STX3: variants seen among roughly 807,000 people sequenced by gnomAD.
STX3 encodes the protein syntaxin-3.
STX3 carries 19 observed loss-of-function variants against 40.2 expected under a neutral mutation model. That is an observed-to-expected ratio of 0.47 (90% CI 0.33 to 0.69). The LOEUF is 0.69. Ranked by LOEUF, STX3 falls within the 30% of genes least tolerant of loss-of-function variation. The pLI is 0.02. For synonymous variants in STX3, 122 were observed against 132.2 expected, an observed-to-expected ratio of 0.92 and a Z score of 0.53; for missense variants, 364 against 366.7, an observed-to-expected ratio of 0.99 and a Z score of 0.06.
intron 1 of STX3, among the ~76,000 whole-genome samples, chr11:59,771,400 A>ACCCCC (rs1565168425): frequency 1.2e-4 from 5 of 42,258 alleles, no homozygotes; most frequent in Admixed American, 2.2e-4. Flanking sequence ...CCGTCCCCCC[A>ACCCCC]CCTCCCCCCC....
chr11:59,792,999 G>C (rs1017684662), intron 6 of STX3, 100 bp from the exon 7 acceptor site: 2 of 1,191,704 alleles, frequency 1.7e-6, no homozygotes, highest in Non-Finnish European at 2.4e-6. Context: ...TAAAGGCCAC[G>C]GTCTTTATAG....
At chr11:59,791,411 C>T (rs185346452) in intron 5 of STX3, among the ~76,000 whole-genome samples, 12 of 152,134 alleles carry the variant, frequency 7.9e-5, no homozygotes, top group East Asian at 1.9e-4. Context: ...TTGCTTCAGG[C>T]GGCAGTATAT....
chr11:59,804,626 T>C lies in STX3; in HGVS notation c.*3802T>C, dbSNP rs1866011004. 6.6e-6 allele frequency: 1 copy of C among 152,242 alleles called. No individual in the cohort carries two copies. The highest frequency in any genetic ancestry group is 1.5e-5 in the Non-Finnish European group (1 of 68,050). 9.4% of individuals were successfully genotyped at this position (152,242 alleles called of 1,614,324 possible). A position where few individuals can be genotyped will look rare whatever the true frequency, so the allele number is the denominator to read the frequency against. Reference sequence around the variant, plus strand: ...CAACATGAAAATTTAAAGTGCTTTTTCTATGGGTGGTGATGGTGGAGTTCT... The same window carrying C: ...CAACATGAAAATTTAAAGTGCTTTTCCTATGGGTGGTGATGGTGGAGTTCT... On this transcript the variant is annotated 3_prime_UTR_variant, in exon 11 of 11. Coordinates refer to ENST00000337979, the MANE Select transcript of STX3 (RefSeq NM_004177.5).
intron 2 of STX3, among the ~76,000 whole-genome samples, chr11:59,780,936 A>G (rs1864327295): frequency 6.6e-6 from 1 of 152,198 alleles, no homozygotes; most frequent in Non-Finnish European, 1.5e-5. Flanking sequence ...ATTGGTCAGT[A>G]TAATTCTGAG....
Position 59,789,035 on chromosome 11 carries a change from C to G in STX3, c.289+88C>G, listed in dbSNP as rs563522240. 2.5e-4 allele frequency: 301 copies of G among 1,213,158 alleles called. 2 individuals carry two copies. In the African/African-American group the frequency reaches 4.3e-3, roughly 17 times the overall value. The allele number at this position is 1,213,158 out of a possible 1,614,324, so 75.1% of individuals were successfully genotyped here. Reference sequence around the variant, plus strand: ...TCCAGCTTTCCGAACTGAAACTCCTCTTGATGGAAGTGACACCACTTGGTC... The same window carrying G: ...TCCAGCTTTCCGAACTGAAACTCCTGTTGATGGAAGTGACACCACTTGGTC... On this transcript the variant is annotated intron_variant, in intron 4 of 10. Transcript: ENST00000337979.
intron 2 of STX3, among the ~76,000 whole-genome samples, chr11:59,786,406 ATT>A (rs1362889318): frequency 1.7e-4 from 21 of 126,948 alleles, no homozygotes; most frequent in East Asian, 2.3e-4. Context: ...CACCAGGCTA[ATT>A]TTTTTTTTTT....
At chr11:59,799,746 CA>C in intron 10 of STX3, 2 of 985,348 alleles carry the variant, frequency 2.0e-6, no homozygotes, top group Middle Eastern at 5.2e-4. Context: ...CAGCATTGAG[CA>C]TTCAACTTCA....
chr11:59,771,786 A>T (rs374638170), intron 1 of STX3, among the ~76,000 whole-genome samples: 2 of 152,114 alleles, frequency 1.3e-5, no homozygotes, highest in African/African-American at 4.8e-5. Context: ...TCTGTTAGGC[A>T]CTGGGCCTTT....
chr11:59,755,648 G>A lies in STX3; in HGVS notation c.30+13G>A. ...GCAGCTGAAGGCCGTGAGTTTCGCC[G>A]CAGGCGGGGTGCTGCCAGGAGGGGT... On this transcript the variant is annotated intron_variant, in intron 1 of 10. Transcript: ENST00000337979. 1.3e-6 allele frequency: 2 copies of A among 1,590,726 alleles called. No homozygotes were observed. The highest frequency in any genetic ancestry group is 2.3e-5 in the East Asian group (1 of 43,272).
At chr11:59,756,729 C>T (rs1862736282) in intron 1 of STX3, among the ~76,000 whole-genome samples, 1 of 152,200 alleles carries the variant, frequency 6.6e-6, no homozygotes, top group Admixed American at 6.5e-5. Context: ...CTTAAAATCC[C>T]AGCCTAAGTT....
At chr11:59,797,261 T>G (rs1565192388) in intron 9 of STX3, 22 bp from the exon 10 acceptor site, 2 of 1,591,804 alleles carry the variant, frequency 1.3e-6, no homozygotes, top group Non-Finnish European at 1.7e-6. Context: ...ATGATTTGTT[T>G]TTGTCTTATT....
At chr11:59,783,902 C>G (rs1864585364) in intron 2 of STX3, among the ~76,000 whole-genome samples, 1 of 152,168 alleles carries the variant, frequency 6.6e-6, no homozygotes, top group South Asian at 2.1e-4. Flanking sequence ...TGAAATGCCT[C>G]CAAATAGAAA....
At chr11:59,775,767 G>T (rs1283480281) in intron 2 of STX3, among the ~76,000 whole-genome samples, 2 of 152,178 alleles carry the variant, frequency 1.3e-5, no homozygotes, top group Non-Finnish European at 2.9e-5. Context: ...TTCTGAAGAG[G>T]CTGTTGAAGA....
At chr11:59,787,609 A>G (rs1327395167) in intron 3 of STX3, among the ~76,000 whole-genome samples, 1 of 152,162 alleles carries the variant, frequency 6.6e-6, no homozygotes, top group Non-Finnish European at 1.5e-5. Flanking sequence ...ACCACCACCT[A>G]GGCAAACGTT....
At chr11:59,790,073 G>C (rs1173246117) in intron 4 of STX3, among the ~76,000 whole-genome samples, 1 of 152,234 alleles carries the variant, frequency 6.6e-6, no homozygotes, top group Non-Finnish European at 1.5e-5. Flanking sequence ...AACTGGAGGA[G>C]TCATTAGTAG....
intron 5 of STX3, 81 bp downstream of exon 5, chr11:59,790,667 TAATACAATCC>T: frequency 6.1e-6 from 6 of 985,852 alleles, no homozygotes; most frequent in Non-Finnish European, 9.4e-6. Flanking sequence ...TTTTTTTTTT[TAATACAATCC>T]TTATTTTGAA....
intron 2 of STX3, among the ~76,000 whole-genome samples, chr11:59,778,408 C>T (rs1864123788): frequency 1.3e-5 from 2 of 152,144 alleles, no homozygotes; most frequent in Admixed American, 6.5e-5. Flanking sequence ...GCCTCCTTAG[C>T]TGGAAGGGAC....
intron 1 of STX3, among the ~76,000 whole-genome samples, chr11:59,769,197 G>A (rs1863428018): frequency 6.6e-6 from 1 of 152,084 alleles, no homozygotes; most frequent in African/African-American, 2.4e-5. Flanking sequence ...GTGGTATAGA[G>A]CCCTGGCCAT....
At chr11:59,770,836 A>G (rs1186598253) in intron 1 of STX3, among the ~76,000 whole-genome samples, 1 of 152,138 alleles carries the variant, frequency 6.6e-6, no homozygotes, top group Non-Finnish European at 1.5e-5. Flanking sequence ...AAAAAGACAT[A>G]TTAGGAGGAT....
Sources: allele counts gnomAD v4.1 joint callset (sites outside exome capture counted in the v4.1 genomes callset), GRCh38; gene constraint gnomAD v4.1.1; transcripts MANE v1.5; gene names NCBI Gene and HGNC (gene_info 2026-07-23, HGNC 2026-07-21).